TASOR2: variants seen among roughly 807,000 people sequenced by gnomAD.
TASOR2 encodes the protein protein TASOR 2.
A neutral mutation model predicts 199.5 loss-of-function variants in TASOR2; 84 were observed. The observed-to-expected ratio is 0.42, with a 90% CI of 0.35 to 0.50. TASOR2 has a LOEUF of 0.50. Ranked by LOEUF, TASOR2 falls within the 20% of genes least tolerant of loss-of-function variation. The probability of loss-of-function intolerance (pLI) is 0.02; values close to 1 mark genes in which losing one functional copy is unlikely to be tolerated. For missense variants in TASOR2, 2,796 were observed against 2,835.9 expected (o/e 0.99, Z 0.32); for synonymous variants, 1,103 against 1,046.6 (o/e 1.05, Z -1.04).
In TASOR2 at chr10:5,685,891, A is replaced by G. The variant is rs1323739904; in HGVS notation, c.-288+716A>G. On this transcript the variant is annotated intron_variant, in intron 1 of 20. Transcript: ENST00000328090. The surrounding 1 kb of genome is among the most constrained non-coding windows in gnomAD (Gnocchi z 5.4). ...CCTGTAAGGTACAATTAGAATAGAA[A>G]AGTTTATGAAAGTGTATCCAAAACT... Among the ~76,000 whole-genome samples the G allele has an allele frequency of 3.3e-5, 5 of 152,236 alleles. No individual in the cohort carries two copies. Among genetic ancestry groups the G allele is most frequent in the Admixed American group, 3.3e-4 (5 of 15,288 alleles).
chr10:5,747,602 C>G (rs992067403), exon 15 of TASOR2: 1 of 1,614,134 alleles, frequency 6.2e-7, no homozygotes, highest in Admixed American at 1.7e-5. Flanking sequence ...CCCTTTGATT[C>G]TGTAATTGAA....
Position 5,750,259 on chromosome 10 carries a change from C to G in TASOR2, c.6606+232C>G, listed in dbSNP as rs1405691744. ...ATTAGGGCAATGACTAATTTTTTTT[C>G]ACAAAAAGTTACCAGTGTAGACATG... On this transcript the variant is annotated intron_variant, in intron 15 of 20. Transcript: ENST00000328090. This position sits in a 1 kb window ranked among gnomAD's most constrained non-coding sequence, Gnocchi z 5.4. Among the ~76,000 whole-genome samples, 3 of 149,376 alleles carry G rather than the reference C, an allele frequency of 2.0e-5. No homozygotes were observed. The highest frequency in any genetic ancestry group is 6.6e-5 in the Admixed American group (1 of 15,052).
chr10:5,749,223 C>CA lies in TASOR2; in HGVS notation c.5805dup (p.Asp1936ArgfsTer50), dbSNP rs1837657760. On this transcript the variant is annotated frameshift_variant, in exon 15 of 21. Coordinates refer to ENST00000328090, the Ensembl canonical transcript of TASOR2. LOFTEE classifies it high-confidence loss of function. ...CCAACTTCTCTATAACAAAAGAACT[C>CA]AAAGATACCATGAGAACTTCACACG... is the stretch of plus-strand genomic sequence containing the variant. The CA allele has an allele frequency of 2.5e-6, 4 of 1,614,004 alleles. No homozygotes were observed. The highest frequency in any genetic ancestry group is 3.4e-6 in the Non-Finnish European group (4 of 1,180,028).
In TASOR2 at chr10:5,689,431, C is replaced by G. The variant is rs911217570; in HGVS notation, c.-288+4256C>G. ...CCTGACCAATATGGTGAAACTCTGT[C>G]TCTACTAAAAATACAAAAATTATCC... On this transcript the variant is annotated intron_variant, in intron 1 of 20. Transcript: ENST00000328090. This position sits in a 1 kb window ranked among gnomAD's most constrained non-coding sequence, Gnocchi z 4.1. Among the ~76,000 whole-genome samples, 6 of 152,124 alleles carry G rather than the reference C, an allele frequency of 3.9e-5. No individual in the cohort carries two copies. The highest frequency in any genetic ancestry group is 3.9e-4 in the Admixed American group (6 of 15,272).
At position 5,706,876 on chromosome 10, in the gene TASOR2, A is replaced by G. The variant is rs560850544; in HGVS notation, c.-287-5947A>G. 6.6e-6 allele frequency among the ~76,000 whole-genome samples: 1 copy of G among 152,092 alleles called. No individual in the cohort carries two copies. The highest frequency in any genetic ancestry group is 2.4e-5 in the African/African-American group (1 of 41,488). Reference sequence around the variant, plus strand: ...AAATTAGCCGGGCATGTTGCTGGGCACTTGTAATCCCAGCTACACGGGAGG... The same window carrying G: ...AAATTAGCCGGGCATGTTGCTGGGCGCTTGTAATCCCAGCTACACGGGAGG... On this transcript the variant is annotated intron_variant, in intron 1 of 20. Transcript: ENST00000328090. This position sits in a 1 kb window ranked among gnomAD's most constrained non-coding sequence, Gnocchi z 4.8.
intron 14 of TASOR2, among the ~76,000 whole-genome samples, chr10:5,743,072 T>G (rs1741180413): frequency 1.3e-5 from 2 of 152,236 alleles, no homozygotes; most frequent in African/African-American, 4.8e-5. Context: ...CAACTGACAT[T>G]CAACCAGGCC....
intron 1 of TASOR2, among the ~76,000 whole-genome samples, chr10:5,693,825 A>G (rs932424618): frequency 1.3e-5 from 2 of 152,244 alleles, no homozygotes. Flanking sequence ...ACTTCATAGA[A>G]TATTTGATTA....
At chr10:5,762,964 G>A (rs955196640) in intron 20 of TASOR2, 65 bp from the exon 22 acceptor site, 16 of 1,499,154 alleles carry the variant, frequency 1.1e-5, no homozygotes, top group African/African-American at 2.8e-5. Flanking sequence ...AGAGCATCCC[G>A]CTTATAAAAT....
chr10:5,753,051 G>A (rs776016789), intron 15 of TASOR2, among the ~76,000 whole-genome samples: 1 of 152,136 alleles, frequency 6.6e-6, no homozygotes, highest in African/African-American at 2.4e-5. Flanking sequence ...AGTAGGGAAG[G>A]ATTTTTTAAA....
rs191228141 is a variant in TASOR2 at position 5,751,182 on chromosome 10, G to C, written c.6606+1155G>C. Among the ~76,000 whole-genome samples the C allele has an allele frequency of 6.6e-6, 1 of 152,316 alleles. No individual in the cohort carries two copies. Among genetic ancestry groups the C allele is most frequent in the Non-Finnish European group, 1.5e-5 (1 of 68,024 alleles). On this transcript the variant is annotated intron_variant, in intron 15 of 20. Coordinates refer to ENST00000328090, the Ensembl canonical transcript of TASOR2. This position sits in a 1 kb window ranked among gnomAD's most constrained non-coding sequence, Gnocchi z 5.3. The stretch of plus-strand genomic sequence containing the variant: ...ATGATTTCTGCCAGGTTTCTCCAGT[G>C]TAAAGTTATGTTGAACTTAGTAATA...
chr10:5,697,879 T>A lies in TASOR2; in HGVS notation c.-288+12704T>A, dbSNP rs548668215. Among the ~76,000 whole-genome samples the A allele has an allele frequency of 1.9e-3, 284 of 152,334 alleles. 1 individual carries two copies. The highest frequency in any genetic ancestry group is 6.4e-3 in the African/African-American group (264 of 41,570). ...ACTGTCTGGTAGATGGTATTTTTTA[T>A]GTTTTATGTTGGTTTTTTGTTCTTT... On this transcript the variant is annotated intron_variant, in intron 1 of 20. Coordinates refer to ENST00000328090, the Ensembl canonical transcript of TASOR2.
intron 1 of TASOR2, among the ~76,000 whole-genome samples, chr10:5,691,354 T>C (rs1161448254): frequency 6.6e-6 from 1 of 152,138 alleles, no homozygotes; most frequent in Non-Finnish European, 1.5e-5. Context: ...ATTTTGAGAA[T>C]GTTAAAACAA....
rs754084480 is a variant in TASOR2, at chr10:5,748,990, A to C, written c.5569A>C (p.Arg1857=). 7 of 1,614,066 alleles carry C rather than the reference A, an allele frequency of 4.3e-6. No individual in the cohort carries two copies. Among genetic ancestry groups the C allele is most frequent in the Non-Finnish European group, 5.9e-6 (7 of 1,180,048 alleles). ...TTATACTTTAAGAGGTAGTTACACC[A>C]GGAAAAAAGATGTTCCCACAGATGG... Residue 1857 remains arginine (R), a synonymous_variant, in exon 15 of 21, where the codon AGG becomes CGG. Coordinates refer to ENST00000328090, the Ensembl canonical transcript of TASOR2. This position sits in a 1 kb window ranked among gnomAD's most constrained non-coding sequence, Gnocchi z 5.1.
chr10:5,753,420 T>C (rs1838350806), intron 15 of TASOR2, among the ~76,000 whole-genome samples: 1 of 152,214 alleles, frequency 6.6e-6, no homozygotes, highest in African/African-American at 2.4e-5. Context: ...TGGAGTGCAG[T>C]GGCGCGATCT....
chr10:5,716,238 T>G (rs908182352), intron 2 of TASOR2, among the ~76,000 whole-genome samples: 13 of 152,224 alleles, frequency 8.5e-5, no homozygotes, highest in Non-Finnish European at 1.9e-4. Flanking sequence ...TTCTGTTATG[T>G]GGCCATACCA....
Position 5,749,786 on chromosome 10 carries a change from T to TG in TASOR2, c.6366dup (p.Lys2123GlufsTer3). 1 of 1,614,168 alleles carries TG rather than the reference T, an allele frequency of 6.2e-7. No homozygotes were observed. The highest frequency in any genetic ancestry group is 1.6e-4 in the Middle Eastern group (1 of 6,062). ...GAGTATGCTGAATTCAACAAGGTGA[T>TG]GAAGAATAGCAACCAATTCATTTTC... is the stretch of plus-strand genomic sequence containing the variant. On this transcript the variant is annotated frameshift_variant, in exon 15 of 21. Transcript: ENST00000328090. LOFTEE classifies it high-confidence loss of function.
At chr10:5,700,570 C>T (rs1429102669) in intron 1 of TASOR2, among the ~76,000 whole-genome samples, 2 of 152,082 alleles carry the variant, frequency 1.3e-5, no homozygotes, top group Non-Finnish European at 2.9e-5. Flanking sequence ...AGGGTTCCCC[C>T]TTCTCCATAT....
At chr10:5,702,227 T>C (rs1837955760) in intron 1 of TASOR2, among the ~76,000 whole-genome samples, 1 of 152,216 alleles carries the variant, frequency 6.6e-6, no homozygotes, top group South Asian at 2.1e-4. Flanking sequence ...ATCATGGTTT[T>C]TGTTCTTAGT....
At chr10:5,727,088 A>G in exon 10 of TASOR2, 1 of 1,614,130 alleles carries the variant, frequency 6.2e-7, no homozygotes, top group Non-Finnish European at 8.5e-7. Flanking sequence ...ATGGGTCTGC[A>G]TGGGTTACAT....
Sources: gnomAD v4.1 joint callset for allele counts (sites outside exome capture counted in the v4.1 genomes callset) on GRCh38, gnomAD v4.1.1 for gene constraint, Gnocchi (gnomAD v3.1) non-coding constraint, MANE v1.5 for transcripts, NCBI Gene and HGNC (gene_info 2026-07-23, HGNC 2026-07-21) for gene names.